The following MKRN1 variants were observed in gnomAD, a reference collection of about 807,000 sequenced individuals.
MKRN1 encodes the protein makorin ring finger protein 1.
Under a neutral mutation model 55.5 loss-of-function variants are expected in MKRN1, and 9 were observed. The observed-to-expected ratio is 0.16, with a 90% CI of 0.10 to 0.28. MKRN1 has a LOEUF of 0.28. Among genes scored for constraint, MKRN1 ranks in the 10% least tolerant of loss-of-function variants. The pLI is 1.00. For missense variants in MKRN1, 488 were observed against 626.7 expected (o/e 0.78, Z 2.36); for synonymous variants, 253 against 235.9 (o/e 1.07, Z -0.66).
chr7:140,467,124 T>C lies in MKRN1; in HGVS notation c.314+4759A>G, dbSNP rs376584673. 2.2e-4 allele frequency among the ~76,000 whole-genome samples: 34 copies of C among 152,068 alleles called. No individual in the cohort carries two copies. In the South Asian group the frequency reaches 6.9e-3, roughly 31 times the overall value. Reference sequence around the variant, plus strand: ...TCCAGAGTAGCTAGGATTACAGGCATGCGCCACCATGCTTGGGTAATTTTG... The same window carrying C: ...TCCAGAGTAGCTAGGATTACAGGCACGCGCCACCATGCTTGGGTAATTTTG... On this transcript the variant is annotated intron_variant, in intron 2 of 7. Transcript: ENST00000255977.
At chr7:140,471,476 CA>C (rs1184792455) in intron 2 of MKRN1, among the ~76,000 whole-genome samples, 1 of 151,868 alleles carries the variant, frequency 6.6e-6, no homozygotes, top group East Asian at 1.9e-4. Flanking sequence ...AAGCCCTACC[CA>C]ATTTTTTTTT....
chr7:140,458,796 T>C (rs7784558), intron 4 of MKRN1, among the ~76,000 whole-genome samples: 40,939 of 152,096 alleles, frequency 0.27, 9,351 homozygotes, highest in African/African-American at 0.63. Flanking sequence ...GCTGGGACTA[T>C]AGACACATGC....
At position 140,459,798 on chromosome 7, in the gene MKRN1, T is replaced by G; in HGVS notation, c.453A>C (p.Ser151=). 1 of 1,613,980 alleles carries G rather than the reference T, an allele frequency of 6.2e-7. No individual in the cohort carries two copies. Among genetic ancestry groups the G allele is most frequent in the Non-Finnish European group, 8.5e-7 (1 of 1,179,870 alleles). The change falls in exon 3 of 8, where the codon TCA becomes TCC. Residue 151 remains serine, a synonymous_variant. Transcript: ENST00000255977. ...CTACAGTTGCAAAGTTTGAATTTCTTGACTCAGCTTCGCCTGTATTCATTT... is the reference window on the plus strand; with the variant it reads ...CTACAGTTGCAAAGTTTGAATTTCTGGACTCAGCTTCGCCTGTATTCATTT... ...LVEMNTGEAE[S]RNSNFATVGA...
At chr7:140,455,544 C>T in intron 6 of MKRN1, 1 of 558,544 alleles carries the variant, frequency 1.8e-6, no homozygotes, top group East Asian at 2.8e-5. Flanking sequence ...GGTAGAACCC[C>T]ACTCATGGGG....
At chr7:140,466,988 T>C (rs1157587674) in intron 2 of MKRN1, among the ~76,000 whole-genome samples, 2 of 151,808 alleles carry the variant, frequency 1.3e-5, no homozygotes, top group Non-Finnish European at 2.9e-5. Context: ...TCTTTTTTTT[T>C]TTTTTTGAGA....
intron 2 of MKRN1, among the ~76,000 whole-genome samples, chr7:140,464,868 C>T (rs142011069): frequency 9.8e-4 from 149 of 152,268 alleles, no homozygotes; most frequent in African/African-American, 3.3e-3. Flanking sequence ...CAATTCACTG[C>T]GCCCTTAACC....
In MKRN1 at chr7:140,459,483, A is replaced by G. The variant is rs1444996252; in HGVS notation, c.544+224T>C. 2.0e-5 allele frequency among the ~76,000 whole-genome samples: 3 copies of G among 152,336 alleles called. No homozygotes were observed. The East Asian group carries it at 5.8e-4, about 29-fold the overall frequency. On this transcript the variant is annotated intron_variant, in intron 3 of 7. Coordinates refer to ENST00000255977, the MANE Select transcript of MKRN1 (RefSeq NM_013446.4). ...TAACTGAAATTTAATTTCAAAAAGT[A>G]CTCGAAAGGATTCAGTTTTTCAAAA... is the stretch of plus-strand genomic sequence containing the variant.
At chr7:140,473,227 ACAT>A (rs1794988785) in intron 1 of MKRN1, 2 of 430,120 alleles carry the variant, frequency 4.6e-6, no homozygotes, top group Middle Eastern at 3.4e-4. Flanking sequence ...AAAAAAAAAA[ACAT>A]CATCCAGATT....
intron 2 of MKRN1, among the ~76,000 whole-genome samples, chr7:140,471,489 AGGTG>A (rs1419443687): frequency 2.6e-5 from 4 of 152,018 alleles, no homozygotes; most frequent in African/African-American, 9.7e-5. Flanking sequence ...TTTTTTTTTA[AGGTG>A]GAGTCTCGCT....
rs373438992 is a variant in MKRN1, at chr7:140,454,472, T to A, written c.*45A>T. 1.9e-6 allele frequency: 3 copies of A among 1,563,964 alleles called. No homozygotes were observed. In the African/African-American group the frequency reaches 4.1e-5, roughly 21 times the overall value. On this transcript the variant is annotated 3_prime_UTR_variant, in exon 8 of 8. Transcript: ENST00000255977. ...CTGCCACACCACCACAGGGGACAGC[T>A]GCTGTCTGAGGTCAGCAGACCAGTT...
rs1248699785 is a variant in MKRN1 at position 140,453,313 on chromosome 7, C to G, written c.*1204G>C. 2 of 152,694 alleles carry G rather than the reference C, an allele frequency of 1.3e-5. No individual in the cohort carries two copies. The highest frequency in any genetic ancestry group is 3.9e-4 in the East Asian group (2 of 5,184). 9.5% of individuals were successfully genotyped at this position (152,694 alleles called of 1,614,324 possible). On this transcript the variant is annotated 3_prime_UTR_variant, in exon 8 of 8. Transcript: ENST00000255977. ...TAGCTAATCTCAGGGATTCCCAAGC[C>G]CTCCCTTTCGGTGGAAAAGTATGAC...
Position 140,479,197 on chromosome 7 carries a change from C to G in MKRN1, c.148G>C (p.Gly50Arg), listed in dbSNP as rs772125991. 2.4e-5 allele frequency: 35 copies of G among 1,464,996 alleles called. No individual in the cohort carries two copies. Among genetic ancestry groups the G allele is most frequent in the Non-Finnish European group, 2.7e-5 (30 of 1,109,400 alleles). 90.7% of individuals were successfully genotyped at this position (1,464,996 alleles called of 1,614,324 possible). A position where few individuals can be genotyped will look rare whatever the true frequency, so the allele number is the denominator to read the frequency against. The change falls in exon 1 of 8, where the codon GGC (glycine) becomes CGC (arginine). Residue 50 changes from glycine to arginine, a missense_variant. Physicochemically the swap from Gly to Arg is moderately radical, Grantham distance 125. Coordinates refer to ENST00000255977, the MANE Select transcript of MKRN1 (RefSeq NM_013446.4). Reference sequence around the variant, plus strand: ...TGTTTAGTCCAGCCGCCGCCGCTGCCGTCGCTGCCGCCGCCCCCTCCGCCC... The same window carrying G: ...TGTTTAGTCCAGCCGCCGCCGCTGCGGTCGCTGCCGCCGCCCCCTCCGCCC... ...GAGGGGGGSD[G>R]SGGGWTKQVT...
At chr7:140,470,675 G>T (rs954408334) in intron 2 of MKRN1, among the ~76,000 whole-genome samples, 1 of 151,916 alleles carries the variant, frequency 6.6e-6, no homozygotes, top group African/African-American at 2.4e-5. Context: ...CAGCACTCTG[G>T]GAGGCCGAGG....
intron 1 of MKRN1, chr7:140,478,428 C>A (rs1795186780): frequency 6.6e-6 from 1 of 152,058 alleles, no homozygotes; most frequent in East Asian, 1.9e-4. Flanking sequence ...TCGGAAGATG[C>A]GTAAATTTCA....
At chr7:140,463,731 A>G (rs912854498) in intron 2 of MKRN1, among the ~76,000 whole-genome samples, 8 of 152,052 alleles carry the variant, frequency 5.3e-5, no homozygotes, top group Non-Finnish European at 1.5e-5. Context: ...TAAAAATACA[A>G]AAAATTAGCC....
intron 4 of MKRN1, among the ~76,000 whole-genome samples, chr7:140,457,205 A>G (rs1794490526): frequency 6.6e-6 from 1 of 152,176 alleles, no homozygotes; most frequent in Non-Finnish European, 1.5e-5. Flanking sequence ...TGGTTTCTAC[A>G]TGAGGTTAAG....
In MKRN1 at chr7:140,471,891, G is replaced by C; in HGVS notation, c.306C>G (p.Asp102Glu). The change falls in exon 2 of 8, where the codon GAC becomes GAG. Residue 102 changes from aspartate (D) to glutamate (E), a missense_variant. Asp to Glu is a conservative substitution (Grantham distance 45). Around this residue, in one of 2 missense-constraint regions of MKRN1, gnomAD observed 210 missense variants for 220.0 expected, o/e 0.95. Transcript: ENST00000255977. ...YFQRGYCIYGDRCRYEHSKPL... is the reference protein window; with the variant it reads ...YFQRGYCIYGERCRYEHSKPL... ...TATAAACAAATTCTTACCTGCAGCG[G>C]TCTCCATAAATACAGTACCCTCGCT... 6.2e-7 allele frequency: 1 copy of C among 1,612,774 alleles called. No individual in the cohort carries two copies. Among genetic ancestry groups the C allele is most frequent in the Non-Finnish European group, 8.5e-7 (1 of 1,179,548 alleles).
chr7:140,463,659 G>A (rs999310972), intron 2 of MKRN1, among the ~76,000 whole-genome samples: 2 of 152,042 alleles, frequency 1.3e-5, no homozygotes, highest in African/African-American at 2.4e-5. Flanking sequence ...GCCAAGGTGG[G>A]CGGATCACAA....
chr7:140,472,973 C>T (rs1175201073), intron 1 of MKRN1, among the ~76,000 whole-genome samples: 2 of 151,206 alleles, frequency 1.3e-5, no homozygotes, highest in Non-Finnish European at 2.9e-5. Flanking sequence ...AAAAATTAGC[C>T]GGGCATGGTG....
Sources: gnomAD v4.1 joint callset for allele counts (sites outside exome capture counted in the v4.1 genomes callset) on GRCh38, gnomAD v4.1.1 for gene constraint, gnomAD v4.1.1 regional missense constraint, MANE v1.5 for transcripts, NCBI Gene and HGNC (gene_info 2026-07-23, HGNC 2026-07-21) for gene names.